KRTCAP2: variants seen among roughly 807,000 people sequenced by gnomAD.
KRTCAP2 encodes the protein keratinocyte associated protein 2.
In KRTCAP2, 10 loss-of-function variants were observed where a neutral mutation model predicts 16.5. The ratio of observed to expected loss-of-function variants is 0.60; its 90% CI spans 0.37 to 1.02. The LOEUF (loss-of-function observed/expected upper bound fraction) is 1.02, where lower values mean the gene tolerates loss of function less well. KRTCAP2 is among the 50% of genes least tolerant of loss of function. KRTCAP2 has a pLI of 0.01. For synonymous variants in KRTCAP2, 68 were observed against 69.8 expected, an observed-to-expected ratio of 0.97 and a Z score of 0.13; for missense variants, 152 against 159.6, an observed-to-expected ratio of 0.95 and a Z score of 0.26.
chr1:155,173,248 C>T lies in KRTCAP2; in HGVS notation c.-24G>A, dbSNP rs2147770656. ...ATCATGCCCCGCCCGTGAGTCCAACCGGCGCCTCTGGCCAAGAAAGGCGAG... is the reference window on the plus strand; with the variant it reads ...ATCATGCCCCGCCCGTGAGTCCAACTGGCGCCTCTGGCCAAGAAAGGCGAG... On this transcript the variant is annotated 5_prime_UTR_variant, in exon 1 of 5. Coordinates refer to ENST00000295682, the MANE Select transcript of KRTCAP2 (RefSeq NM_173852.4). The T allele has an allele frequency of 6.2e-7, 1 of 1,614,078 alleles. No individual in the cohort carries two copies. Among genetic ancestry groups the T allele is most frequent in the South Asian group, 1.1e-5 (1 of 91,066 alleles).
intron 2 of KRTCAP2, 24 bp from the exon 3 acceptor site, chr1:155,172,652 G>A: frequency 6.2e-7 from 1 of 1,614,166 alleles, no homozygotes; most frequent in Non-Finnish European, 8.5e-7. Flanking sequence ...TTAAGGAGTA[G>A]GGTGTGCAAC....
chr1:155,172,781 T>C lies in KRTCAP2; in HGVS notation c.116A>G (p.Gln39Arg). The change falls in exon 2 of 5, where the codon CAG (glutamine) becomes CGG (arginine). Residue 39 changes from glutamine (Q) to arginine (R), a missense_variant. By Grantham distance (43) the Gln-to-Arg change is conservative (BLOSUM62 1). Coordinates refer to ENST00000295682, the MANE Select transcript of KRTCAP2 (RefSeq NM_173852.4). ...GAGACCCGAACCAAGCAGGCCGCCC[T>C]GGATGGTGAGCCACTCGGTGGAGGC... Reference protein sequence around the residue: ...QLASTEWLTIQGGLLGSGLFV... With the variant: ...QLASTEWLTIRGGLLGSGLFV... 6.2e-7 allele frequency: 1 copy of C among 1,614,124 alleles called. No homozygotes were observed. The highest frequency in any genetic ancestry group is 1.1e-5 in the South Asian group (1 of 91,074).
Position 155,173,287 on chromosome 1 carries a change from G to A in KRTCAP2, c.-63C>T, listed in dbSNP as rs777966860. ...AAGAAAGGCGAGCTGAACCGGGTGCGGTTAGCTATGCGCATGCGTCAGCGC... is the reference window on the plus strand; with the variant it reads ...AAGAAAGGCGAGCTGAACCGGGTGCAGTTAGCTATGCGCATGCGTCAGCGC... On this transcript the variant is annotated 5_prime_UTR_variant, in exon 1 of 5. Coordinates refer to ENST00000295682, the MANE Select transcript of KRTCAP2 (RefSeq NM_173852.4). 3.1e-6 allele frequency: 5 copies of A among 1,613,946 alleles called. No homozygotes were observed. Among genetic ancestry groups the A allele is most frequent in the South Asian group, 1.1e-5 (1 of 90,992 alleles).
rs766068516 is a variant in KRTCAP2 at position 155,169,473 on chromosome 1, G to C, written c.378C>G (p.Ala126=). The C allele has an allele frequency of 2.0e-5, 32 of 1,613,980 alleles. No homozygotes were observed. Among genetic ancestry groups the C allele is most frequent in the Non-Finnish European group, 2.5e-5 (30 of 1,179,982 alleles). The change falls in exon 5 of 5, where the codon GCC becomes GCG. Residue 126 remains alanine (A), a synonymous_variant. Transcript: ENST00000295682. Reference sequence around the variant, plus strand: ...TCTTCTTGCTCTTGCCTGTGACCTTGGCTGGTGTGAGGACTGGAGCTGCTG... The same window carrying C: ...TCTTCTTGCTCTTGCCTGTGACCTTCGCTGGTGTGAGGACTGGAGCTGCTG... ...YQAAAPVLTP[A]KVTGKSKKRN is the part of the protein sequence containing the mutation.
chr1:155,172,887 C>T lies in KRTCAP2; in HGVS notation c.10G>A (p.Gly4Ser), dbSNP rs775905434. The change falls in exon 2 of 5, where the codon GGT becomes AGT. Residue 4 changes from glycine (G) to serine (S), a missense_variant. Coordinates refer to ENST00000295682, the MANE Select transcript of KRTCAP2 (RefSeq NM_173852.4). The stretch of plus-strand genomic sequence containing the variant: ...GAGAGCGCCAGCGAGGTGCCCGTAC[C>T]CACCACTGGAGGGGATGGGAGAAGG... MVV[G>S]TGTSLALSSL... 104 of 1,613,778 alleles carry T rather than the reference C, an allele frequency of 6.4e-5. No individual in the cohort carries two copies. The highest frequency in any genetic ancestry group is 1.1e-4 in the African/African-American group (8 of 74,916).
Position 155,169,414 on chromosome 1 carries a change from G to T in KRTCAP2, c.*26C>A. 6 of 1,612,484 alleles carry T rather than the reference G, an allele frequency of 3.7e-6. No homozygotes were observed. Among genetic ancestry groups the T allele is most frequent in the South Asian group, 2.2e-5 (2 of 90,868 alleles). Reference sequence around the variant, plus strand: ...ATATCACAACTCACAGAGCTACAAAGAATCAACTTTATTGAACATTCAGGG... The same window carrying T: ...ATATCACAACTCACAGAGCTACAAATAATCAACTTTATTGAACATTCAGGG... On this transcript the variant is annotated 3_prime_UTR_variant, in exon 5 of 5. Coordinates refer to ENST00000295682, the MANE Select transcript of KRTCAP2 (RefSeq NM_173852.4).
At chr1:155,171,393 T>C (rs1253677531) in intron 3 of KRTCAP2, 2 of 918,178 alleles carry the variant, frequency 2.2e-6, no homozygotes, top group Non-Finnish European at 2.6e-6. Flanking sequence ...TACTCCAGCA[T>C]GGGTGACAGA....
At chr1:155,173,034 C>T (rs1665322449) in intron 1 of KRTCAP2, 142 bp from the exon 2 acceptor site, 1 of 1,020,416 alleles carries the variant, frequency 9.8e-7, no homozygotes, top group Admixed American at 2.1e-5. Context: ...CCCAACTCCC[C>T]ACACCGCGCG....
At position 155,173,221 on chromosome 1, in the gene KRTCAP2, C is replaced by A. The variant is rs370529024; in HGVS notation, c.4G>T (p.Val2Leu). MVVGTGTSLALS... is the reference protein window; with the variant it reads MLVGTGTSLALS... ...CTGGGGACCCCACCGGTCCTGTTAC[C>A]CATCATGCCCCGCCCGTGAGTCCAA... The change falls in exon 1 of 5, where the codon GTG becomes TTG. Residue 2 changes from valine to leucine, a missense_variant and splice_region_variant. Physicochemically the swap from Val to Leu is conservative, Grantham distance 32. Coordinates refer to ENST00000295682, the MANE Select transcript of KRTCAP2 (RefSeq NM_173852.4). 1.4e-5 allele frequency: 22 copies of A among 1,613,352 alleles called. No individual in the cohort carries two copies. The highest frequency in any genetic ancestry group is 4.0e-5 in the African/African-American group (3 of 74,912).
intron 3 of KRTCAP2, chr1:155,171,923 T>C: frequency 1.0e-6 from 1 of 985,894 alleles, no homozygotes; most frequent in Non-Finnish European, 1.2e-6. Context: ...CATGAGGGTT[T>C]TACATGAGAT....
intron 3 of KRTCAP2, 109 bp downstream of exon 3, chr1:155,172,456 T>C (rs1665286246): frequency 5.7e-6 from 9 of 1,583,700 alleles, no homozygotes; most frequent in Non-Finnish European, 7.7e-6. Flanking sequence ...CTTCAGTAAA[T>C]ATATTTCTCC....
rs1665302907 is a variant in KRTCAP2 at position 155,172,754 on chromosome 1, A to G, written c.143T>C (p.Phe48Ser). 1 of 1,614,048 alleles carries G rather than the reference A, an allele frequency of 6.2e-7. No homozygotes were observed. Among genetic ancestry groups the G allele is most frequent in the African/African-American group, 1.3e-5 (1 of 74,914 alleles). Residue 48 changes from phenylalanine (F) to serine (S), a missense_variant, in exon 2 of 5, where the codon TTC (phenylalanine) becomes TCC (serine). By Grantham distance (155) the Phe-to-Ser change is radical (BLOSUM62 -2). Coordinates refer to ENST00000295682, the MANE Select transcript of KRTCAP2 (RefSeq NM_173852.4). Reference sequence around the variant, plus strand: ...GGAGGATACAGTGAGCGAGAACACGAAGAGACCCGAACCAAGCAGGCCGCC... The same window carrying G: ...GGAGGATACAGTGAGCGAGAACACGGAGAGACCCGAACCAAGCAGGCCGCC... Reference protein sequence around the residue: ...IQGGLLGSGLFVFSLTAFNNL... With the variant: ...IQGGLLGSGLSVFSLTAFNNL...
At chr1:155,171,422 A>G in intron 3 of KRTCAP2, 14 of 926,840 alleles carry the variant, frequency 1.5e-5, no homozygotes, top group Non-Finnish European at 1.8e-5. Context: ...CCATCTCAAA[A>G]AAAAAAAAAA....
At chr1:155,172,394 C>T (rs11264340) in intron 3 of KRTCAP2, 171 bp downstream of exon 3, 5 of 1,458,226 alleles carry the variant, frequency 3.4e-6, no homozygotes, top group Non-Finnish European at 4.5e-6. Flanking sequence ...AGCTCCAACT[C>T]CAGGAGCTAT....
In KRTCAP2 at chr1:155,172,630, TG is replaced by T. The variant is rs1340708436; in HGVS notation, c.160-3del. 1.2e-6 allele frequency: 2 copies of T among 1,614,188 alleles called. No homozygotes were observed. Among genetic ancestry groups the T allele is most frequent in the South Asian group, 2.2e-5 (2 of 91,084 alleles). On this transcript the variant is annotated splice_region_variant and splice_polypyrimidine_tract_variant and intron_variant, in intron 2 of 4. Transcript: ENST00000295682. ...AAGATTCTCCAGATTATTGAAGGCC[TG>T]GTTGAGGGAGTTAAGGAGTAGGGTG... is the stretch of plus-strand genomic sequence containing the variant.
chr1:155,171,984 C>A, intron 3 of KRTCAP2: 1 of 987,972 alleles, frequency 1.0e-6, no homozygotes, highest in Non-Finnish European at 1.2e-6. Context: ...GTAATCTGGC[C>A]TTGACACTTA....
At chr1:155,170,308 C>T (rs1665200437) in intron 3 of KRTCAP2, 2 of 149,226 alleles carry the variant, frequency 1.3e-5, no homozygotes, top group South Asian at 2.1e-4. Flanking sequence ...CCACTGCACT[C>T]CAGCCTGGGC....
intron 3 of KRTCAP2, chr1:155,170,142 G>C: frequency 3.9e-6 from 1 of 253,928 alleles, no homozygotes; most frequent in Non-Finnish European, 7.7e-6. Context: ...ACAACAAAGT[G>C]AGACCCATCT....
intron 4 of KRTCAP2, 65 bp downstream of exon 4, chr1:155,169,726 T>C (rs1013212505): frequency 1.4e-6 from 2 of 1,425,072 alleles, no homozygotes; most frequent in Non-Finnish European, 9.7e-7. Flanking sequence ...TCTGGCACCA[T>C]CACAGTAAGA....
Sources: allele counts gnomAD v4.1 joint callset, GRCh38; gene constraint gnomAD v4.1.1; transcripts MANE v1.5; gene names NCBI Gene and HGNC (gene_info 2026-07-23, HGNC 2026-07-21).